The following SNX29 variants were observed in gnomAD, a reference collection of about 807,000 sequenced individuals.
SNX29 encodes the protein sorting nexin 29.
Under a neutral mutation model 102.1 loss-of-function variants are expected in SNX29, and 78 were observed. The ratio of observed to expected loss-of-function variants is 0.76; its 90% CI spans 0.64 to 0.92. The LOEUF (loss-of-function observed/expected upper bound fraction) is 0.92. Ranked by LOEUF, SNX29 falls within the 40% of genes least tolerant of loss-of-function variation. SNX29 has a pLI of 0.00. For missense variants in SNX29, 1,280 were observed against 1,061.7 expected (o/e 1.21, Z -2.86); for synonymous variants, 580 against 414.5 (o/e 1.40, Z -4.85).
chr16:12,061,206 ATTAT>A (rs1200764443), intron 8 of SNX29, among the ~76,000 whole-genome samples: 2 of 152,090 alleles, frequency 1.3e-5, no homozygotes, highest in African/African-American at 4.8e-5. Flanking sequence ...TTCTTGCAGG[ATTAT>A]TTGGTTCATG....
intron 20 of SNX29, chr16:12,557,248 C>G (rs1449478322): frequency 2.0e-5 from 3 of 152,212 alleles, no homozygotes; most frequent in East Asian, 3.9e-4. Context: ...CCATTTGGAT[C>G]TATGGAAAGA....
At chr16:12,525,421 C>A (rs1016630176) in intron 20 of SNX29, among the ~76,000 whole-genome samples, 1 of 152,146 alleles carries the variant, frequency 6.6e-6, no homozygotes, top group African/African-American at 2.4e-5. Context: ...GCCTGTAATC[C>A]CAGCACTCTG....
At position 12,572,173 on chromosome 16, in the gene SNX29, A is replaced by G. The variant is rs1056256937; in HGVS notation, c.*3544A>G. On this transcript the variant is annotated 3_prime_UTR_variant, in exon 21 of 21. Coordinates refer to ENST00000566228, the MANE Select transcript of SNX29 (RefSeq NM_032167.5). ...TAAGATCAATTTTGATAACCATGTA[A>G]TTTCTTAGAACCATGGCAGGTAGTA... 1.1e-5 allele frequency: 11 copies of G among 977,470 alleles called. No homozygotes were observed. In the East Asian group the frequency reaches 5.7e-4, roughly 51 times the overall value. 60.5% of individuals were successfully genotyped at this position (977,470 alleles called of 1,614,324 possible).
At chr16:12,283,110 TA>T (rs1436335664) in intron 15 of SNX29, among the ~76,000 whole-genome samples, 1 of 152,162 alleles carries the variant, frequency 6.6e-6, no homozygotes, top group Non-Finnish European at 1.5e-5. Flanking sequence ...CACCATTGAG[TA>T]ATAGATGGTG....
intron 15 of SNX29, among the ~76,000 whole-genome samples, chr16:12,352,463 A>T (rs1442725088): frequency 6.6e-6 from 1 of 152,188 alleles, no homozygotes; most frequent in African/African-American, 2.4e-5. Context: ...ACATGTATAC[A>T]TACGTAACAA....
At chr16:12,216,484 G>C (rs1037685125) in intron 14 of SNX29, among the ~76,000 whole-genome samples, 2 of 152,204 alleles carry the variant, frequency 1.3e-5, no homozygotes, top group South Asian at 2.1e-4. Flanking sequence ...AGCCACACGT[G>C]TGTCCGAGAT....
chr16:12,018,105 G>A (rs952918024), intron 3 of SNX29, among the ~76,000 whole-genome samples: 2 of 151,978 alleles, frequency 1.3e-5, no homozygotes, highest in Non-Finnish European at 2.9e-5. Flanking sequence ...AGTCCTTCCT[G>A]CATTTGTTAT....
intron 20 of SNX29, among the ~76,000 whole-genome samples, chr16:12,542,815 G>C (rs2077402886): frequency 6.6e-6 from 1 of 151,566 alleles, no homozygotes; most frequent in Admixed American, 6.6e-5. Context: ...TGAAGTTAAA[G>C]CATCCTGTAA....
chr16:12,217,490 G>A (rs1467161730), intron 14 of SNX29, among the ~76,000 whole-genome samples: 1 of 152,190 alleles, frequency 6.6e-6, no homozygotes, highest in East Asian at 1.9e-4. Context: ...AGGTGGTAGT[G>A]TGTCTAACAC....
chr16:12,390,231 G>A (rs1014377069), intron 16 of SNX29, among the ~76,000 whole-genome samples: 31 of 151,578 alleles, frequency 2.0e-4, no homozygotes, highest in African/African-American at 7.5e-4. Flanking sequence ...TTTGCCTCTT[G>A]CCTCCCATCT....
chr16:12,387,115 A>T (rs2151451873), intron 16 of SNX29, among the ~76,000 whole-genome samples: 1 of 150,670 alleles, frequency 6.6e-6, no homozygotes, highest in East Asian at 2.0e-4. Flanking sequence ...ACAGAGTGAG[A>T]CTCAGTCTCA....
chr16:12,038,909 T>A (rs1483347236), intron 4 of SNX29: 1 of 152,244 alleles, frequency 6.6e-6, no homozygotes, highest in East Asian at 1.9e-4. Flanking sequence ...TCCTGGTTTC[T>A]TGAGTGAGGC....
At chr16:12,006,585 GT>G (rs1367467397) in intron 3 of SNX29, among the ~76,000 whole-genome samples, 1 of 147,628 alleles carries the variant, frequency 6.8e-6, no homozygotes, top group African/African-American at 2.5e-5. Context: ...TTTTATTTAT[GT>G]TGATTCCTAG....
chr16:12,192,807 G>T (rs567506873), intron 13 of SNX29, among the ~76,000 whole-genome samples: 1 of 152,278 alleles, frequency 6.6e-6, no homozygotes, highest in South Asian at 2.1e-4. Flanking sequence ...GGTTCAAGCA[G>T]TTTTCCTGCC....
Position 12,572,622 on chromosome 16 carries a change from G to A in SNX29, c.*3993G>A. 2.8e-6 allele frequency: 3 copies of A among 1,063,792 alleles called. No homozygotes were observed. The highest frequency in any genetic ancestry group is 4.2e-4 in the Middle Eastern group (1 of 2,392). 65.9% of individuals were successfully genotyped at this position (1,063,792 alleles called of 1,614,324 possible). ...GCCCCCTCCCCTCCGGCTACCCCCA[G>A]AATCCATCCTTCATTCCTCCACCAA... On this transcript the variant is annotated 3_prime_UTR_variant, in exon 21 of 21. Transcript: ENST00000566228.
At chr16:12,227,471 A>G (rs2077645772) in intron 14 of SNX29, among the ~76,000 whole-genome samples, 1 of 152,226 alleles carries the variant, frequency 6.6e-6, no homozygotes, top group South Asian at 2.1e-4. Context: ...GCTGAAAGGC[A>G]CACAGAAATG....
At chr16:12,516,119 T>G (rs2089854144) in intron 19 of SNX29, among the ~76,000 whole-genome samples, 1 of 152,162 alleles carries the variant, frequency 6.6e-6, no homozygotes, top group South Asian at 2.1e-4. Flanking sequence ...TTGCAAGGCA[T>G]GCTGGGAAGC....
At chr16:12,015,261 T>A (rs1264217582) in intron 3 of SNX29, among the ~76,000 whole-genome samples, 1 of 152,074 alleles carries the variant, frequency 6.6e-6, no homozygotes, top group Non-Finnish European at 1.5e-5. Context: ...TTTTTTATAT[T>A]TTTTGGAGAT....
At chr16:12,313,854 G>C (rs1476710270) in intron 15 of SNX29, among the ~76,000 whole-genome samples, 1 of 152,262 alleles carries the variant, frequency 6.6e-6, no homozygotes, top group Non-Finnish European at 1.5e-5. Context: ...ATAACATAGA[G>C]GGTATTTATG....
Sources: allele counts gnomAD v4.1 joint callset (sites outside exome capture counted in the v4.1 genomes callset), GRCh38; gene constraint gnomAD v4.1.1; transcripts MANE v1.5; gene names NCBI Gene and HGNC (gene_info 2026-07-23, HGNC 2026-07-21).